MAGI1: variants seen among roughly 807,000 people sequenced by gnomAD.
The protein encoded by MAGI1 is membrane associated guanylate kinase, WW and PDZ domain containing 1.
In MAGI1, 58 loss-of-function variants were observed where a neutral mutation model predicts 139.9. The observed-to-expected ratio is 0.41, with a 90% confidence interval of 0.34 to 0.52. MAGI1 has a LOEUF of 0.52. MAGI1 is among the 20% of genes least tolerant of loss of function. The probability of loss-of-function intolerance (pLI) is 0.12; values close to 1 mark genes in which losing one functional copy is unlikely to be tolerated. For missense variants in MAGI1, 1,874 were observed against 1,901.6 expected, an observed-to-expected ratio of 0.99 and a Z score of 0.27; for synonymous variants, 812 against 737.9, an observed-to-expected ratio of 1.10 and a Z score of -1.63.
intron 1 of MAGI1, among the ~76,000 whole-genome samples, chr3:65,736,537 C>A (rs1457780466): frequency 6.6e-6 from 1 of 152,110 alleles, no homozygotes; most frequent in Non-Finnish European, 1.5e-5. Context: ...GGTATAAACT[C>A]CCAATCCAAG....
intron 1 of MAGI1, among the ~76,000 whole-genome samples, chr3:65,770,755 C>T (rs573454013): frequency 1.3e-4 from 20 of 152,194 alleles, no homozygotes; most frequent in African/African-American, 4.8e-4. Flanking sequence ...GTGGCACAAT[C>T]TCAGCTCACT....
At chr3:65,382,443 G>C (rs1479776166) in intron 15 of MAGI1, among the ~76,000 whole-genome samples, 1 of 151,904 alleles carries the variant, frequency 6.6e-6, no homozygotes, top group African/African-American at 2.4e-5. Context: ...TTTTATTTAA[G>C]GGTCTAGCAT....
At chr3:65,879,021 A>G (rs1325744544) in intron 1 of MAGI1, among the ~76,000 whole-genome samples, 1 of 152,114 alleles carries the variant, frequency 6.6e-6, no homozygotes, top group African/African-American at 2.4e-5. Flanking sequence ...ATCAAAGTCA[A>G]TACAAGCCTC....
At chr3:65,743,539 C>A (rs1292236907) in intron 1 of MAGI1, among the ~76,000 whole-genome samples, 1 of 151,310 alleles carries the variant, frequency 6.6e-6, no homozygotes. Context: ...GAAATCTCAT[C>A]TCTAATAAAA....
intron 1 of MAGI1, among the ~76,000 whole-genome samples, chr3:65,924,730 C>T (rs975620042): frequency 2.0e-5 from 3 of 152,200 alleles, no homozygotes; most frequent in African/African-American, 7.2e-5. Context: ...CCCCTCGCTG[C>T]TCCATGCTTC....
chr3:65,646,334 C>T (rs1366012316), intron 1 of MAGI1, among the ~76,000 whole-genome samples: 5 of 151,596 alleles, frequency 3.3e-5, no homozygotes, highest in African/African-American at 1.2e-4. Context: ...AGGGGTCAAC[C>T]CACCAAGAAA....
intron 17 of MAGI1, among the ~76,000 whole-genome samples, chr3:65,377,467 T>C (rs1479010770): frequency 6.6e-6 from 1 of 152,208 alleles, no homozygotes; most frequent in Non-Finnish European, 1.5e-5. Flanking sequence ...AAAGACCAAA[T>C]TGTGAGTGTG....
intron 1 of MAGI1, among the ~76,000 whole-genome samples, chr3:65,840,302 T>C (rs1202660015): frequency 6.6e-6 from 1 of 152,158 alleles, no homozygotes; most frequent in Non-Finnish European, 1.5e-5. Context: ...CTATATTGAA[T>C]AGCAGTGGAG....
At chr3:65,473,265 A>C (rs891084764) in intron 4 of MAGI1, among the ~76,000 whole-genome samples, 3 of 152,216 alleles carry the variant, frequency 2.0e-5, no homozygotes, top group Non-Finnish European at 4.4e-5. Flanking sequence ...ACATCAAACC[A>C]CAGATTATAG....
intron 1 of MAGI1, among the ~76,000 whole-genome samples, chr3:65,896,892 C>T (rs1026510712): frequency 9.9e-5 from 15 of 152,064 alleles, no homozygotes. Flanking sequence ...ATTTTATACA[C>T]CTACACATAA....
intron 1 of MAGI1, among the ~76,000 whole-genome samples, chr3:65,922,896 T>C (rs1003730622): frequency 1.3e-5 from 2 of 152,218 alleles, no homozygotes; most frequent in Non-Finnish European, 2.9e-5. Flanking sequence ...CTTACAACTA[T>C]GTCTATGAGG....
intron 2 of MAGI1, among the ~76,000 whole-genome samples, chr3:65,587,918 AT>A (rs1559696603): frequency 6.6e-6 from 1 of 152,172 alleles, no homozygotes; most frequent in Non-Finnish European, 1.5e-5. Flanking sequence ...ATTCTACAAA[AT>A]GTATGGCAAG....
intron 16 of MAGI1, among the ~76,000 whole-genome samples, chr3:65,381,598 G>A (rs1410453939): frequency 2.0e-5 from 3 of 152,182 alleles, no homozygotes; most frequent in Admixed American, 6.5e-5. Context: ...GGATGGCTAA[G>A]TTCTGATTTG....
intron 1 of MAGI1, among the ~76,000 whole-genome samples, chr3:65,651,275 C>G (rs2085564344): frequency 6.6e-6 from 1 of 152,230 alleles, no homozygotes; most frequent in Admixed American, 6.5e-5. Flanking sequence ...TTAGCCAATT[C>G]AACCTCATAT....
chr3:65,381,114 G>A (rs1943016561), intron 16 of MAGI1, among the ~76,000 whole-genome samples: 1 of 152,104 alleles, frequency 6.6e-6, no homozygotes, highest in African/African-American at 2.4e-5. Context: ...GCATCCAAAG[G>A]TGAACAACCA....
intron 1 of MAGI1, among the ~76,000 whole-genome samples, chr3:65,661,023 A>C (rs190047063): frequency 6.6e-6 from 1 of 152,306 alleles, no homozygotes; most frequent in African/African-American, 2.4e-5. Context: ...TAATTTTCTA[A>C]AGTAAATTAG....
intron 1 of MAGI1, among the ~76,000 whole-genome samples, chr3:65,772,284 A>C (rs2038020353): frequency 1.3e-5 from 2 of 152,212 alleles, no homozygotes; most frequent in South Asian, 4.1e-4. Flanking sequence ...TTTCCTCATC[A>C]AAACAGAGAC....
Position 65,747,671 on chromosome 3 carries a change from C to T in MAGI1, c.314-125583G>A, listed in dbSNP as rs1205791216. Among the ~76,000 whole-genome samples, 2 of 152,098 alleles carry T rather than the reference C, an allele frequency of 1.3e-5. 1 individual carries two copies. The highest frequency in any genetic ancestry group is 4.1e-4 in the South Asian group (2 of 4,822). On this transcript the variant is annotated intron_variant, in intron 1 of 22. Coordinates refer to ENST00000402939, the MANE Select transcript of MAGI1 (RefSeq NM_001033057.2). ...GTTAAGTGATGTGTTGATATAGATT[C>T]ATCAATGGTAACAAATGTCCCACAA...
intron 5 of MAGI1, among the ~76,000 whole-genome samples, chr3:65,464,289 G>A (rs948696177): frequency 1.3e-5 from 2 of 151,926 alleles, no homozygotes; most frequent in African/African-American, 2.4e-5. Flanking sequence ...TTGAGCTTAA[G>A]TTATTCTTCT....
Sources: gnomAD v4.1 joint callset for allele counts (sites outside exome capture counted in the v4.1 genomes callset) on GRCh38, gnomAD v4.1.1 for gene constraint, MANE v1.5 for transcripts, NCBI Gene and HGNC (gene_info 2026-07-23, HGNC 2026-07-21) for gene names.